The following GNG5B variants were observed in gnomAD, a reference collection of about 807,000 sequenced individuals.
GNG5B encodes the protein guanine nucleotide-binding protein G(I)/G(S)/G(O) subunit gamma-5B.
At chrX:110,346,845 C>G in the GNG5B span, 1 of 657,882 alleles carries the variant, frequency 1.5e-6, no homozygotes, top group Admixed American at 2.2e-5. Flanking sequence ...GCTGTTGAGC[C>G]CGGCCTCCAG....
the GNG5B span, chrX:110,346,696 C>G: frequency 2.7e-6 from 2 of 733,285 alleles, no homozygotes; most frequent in Non-Finnish European, 4.4e-6. Context: ...TTGAAAGATT[C>G]ATTGTACTAC....
At chrX:110,346,932 A>G in the GNG5B span, 6 of 542,898 alleles carry the variant, frequency 1.1e-5, no homozygotes, top group Non-Finnish European at 2.0e-5. Context: ...GGCCGGGCCG[A>G]TTCGTGGGTC....
chrX:110,346,834 C>A, the GNG5B span: 2 of 670,805 alleles, frequency 3.0e-6, no homozygotes, highest in Non-Finnish European at 5.0e-6. Context: ...GAAACTTTTA[C>A]GCTGTTGAGC....
chrX:110,346,664 T>G, the GNG5B span: 79 of 588,148 alleles, frequency 1.3e-4, 1 homozygote, highest in South Asian at 1.3e-3. Context: ...CACTGGATCA[T>G]AAGAAGTGGT....
the GNG5B span, chrX:110,346,598 A>G: frequency 2.0e-6 from 1 of 491,526 alleles, no homozygotes; most frequent in East Asian, 3.6e-5. Context: ...ATTACAGCAC[A>G]TGTGTTACAG....
the GNG5B span, chrX:110,346,555 A>C: frequency 2.3e-6 from 1 of 431,488 alleles, no homozygotes; most frequent in Non-Finnish European, 4.1e-6. Flanking sequence ...TCAGAGGTAG[A>C]TGTTAAGGAC....
chrX:110,346,508 A>C, the GNG5B span, among the ~76,000 whole-genome samples: 1 of 112,442 alleles, frequency 8.9e-6, no homozygotes, highest in African/African-American at 3.2e-5. Context: ...AATGTATATA[A>C]AACAATTACC....
the GNG5B span, chrX:110,346,634 A>G: frequency 1.1e-5 from 6 of 549,410 alleles, no homozygotes; most frequent in East Asian, 1.3e-4. Context: ...CAGGCTTCAA[A>G]TGTATCTCTC....
the GNG5B span, chrX:110,346,925 C>G: frequency 9.1e-6 from 5 of 547,207 alleles, no homozygotes; most frequent in Non-Finnish European, 1.7e-5. Context: ...ACGCGGGGGC[C>G]GGGCCGATTC....
the GNG5B span, chrX:110,346,694 T>G: frequency 1.4e-6 from 1 of 719,419 alleles, no homozygotes; most frequent in South Asian, 2.1e-5. Context: ...CTTTGAAAGA[T>G]TCATTGTACT....
At chrX:110,346,907 C>T in the GNG5B span, 6 of 588,744 alleles carry the variant, frequency 1.0e-5, no homozygotes, top group East Asian at 1.0e-4. Context: ...AGAAGCCAGA[C>T]ATGGTGAACG....
At chrX:110,346,857 T>C in the GNG5B span, 4 of 648,710 alleles carry the variant, frequency 6.2e-6, no homozygotes, top group East Asian at 3.2e-5. Context: ...GGCCTCCAGC[T>C]GGAGCTGTTG....
At chrX:110,346,910 G>T in the GNG5B span, 146 of 575,153 alleles carry the variant, frequency 2.5e-4, no homozygotes, top group East Asian at 4.8e-3. Context: ...AGCCAGACAT[G>T]GTGAACGCGG....
the GNG5B span, chrX:110,346,891 C>T: frequency 2.9e-5 from 18 of 613,356 alleles, no homozygotes; most frequent in Non-Finnish European, 4.5e-5. Flanking sequence ...GTAGCGGCGA[C>T]GCTGGAGAAG....
chrX:110,346,968 G>A, the GNG5B span: 3 of 505,061 alleles, frequency 5.9e-6, no homozygotes, highest in Non-Finnish European at 3.6e-6. Context: ...GTGGGTCGGC[G>A]GGGCCGCTAA....
the GNG5B span, chrX:110,346,953 G>T: frequency 3.6e-5 from 19 of 521,193 alleles, no homozygotes; most frequent in South Asian, 4.5e-4. Flanking sequence ...GGTGGGTCGT[G>T]GGCCGTGGGT....
the GNG5B span, chrX:110,346,589 T>C: frequency 2.1e-6 from 1 of 474,649 alleles, no homozygotes; most frequent in Non-Finnish European, 3.8e-6. Flanking sequence ...ATTTTGTATA[T>C]TACAGCACAT....
chrX:110,346,901 G>A, the GNG5B span: 2 of 602,458 alleles, frequency 3.3e-6, no homozygotes, highest in Non-Finnish European at 5.8e-6. Flanking sequence ...CGCTGGAGAA[G>A]CCAGACATGG....
At chrX:110,346,617 T>C in the GNG5B span, 1 of 525,498 alleles carries the variant, frequency 1.9e-6, no homozygotes, top group Non-Finnish European at 3.5e-6. Context: ...AGGGATAAGC[T>C]TTTGTACAGG....
Sources: gnomAD v4.1 joint callset for allele counts (sites outside exome capture counted in the v4.1 genomes callset) on GRCh38, gnomAD v4.1.1 for gene constraint, MANE v1.5 for transcripts, NCBI Gene and HGNC (gene_info 2026-07-23, HGNC 2026-07-21) for gene names.